The following DYRK4 variants were observed in gnomAD, a reference collection of about 807,000 sequenced individuals.
DYRK4 encodes the protein dual specificity tyrosine-phosphorylation-regulated kinase 4.
Under a neutral mutation model 68.3 loss-of-function variants are expected in DYRK4, and 64 were observed. The ratio of observed to expected loss-of-function variants is 0.94; its 90% CI spans 0.77 to 1.15. The LOEUF is 1.15. Among genes scored for constraint, DYRK4 ranks in the 50% most tolerant of loss-of-function variants. The probability of loss-of-function intolerance (pLI) is 0.00; values close to 1 mark genes in which losing one functional copy is unlikely to be tolerated. For synonymous variants in DYRK4, 274 were observed against 289.9 expected (o/e 0.95, Z 0.56); for missense variants, 740 against 764.7 (o/e 0.97, Z 0.38).
Position 4,612,716 on chromosome 12 carries a change from A to AAG in DYRK4, c.1665_1666dup (p.Asp556GlufsTer43). On this transcript the variant is annotated frameshift_variant and splice_region_variant, in exon 14 of 15. Coordinates refer to ENST00000543431, the MANE Select transcript of DYRK4 (RefSeq NM_001394779.1). LOFTEE classifies it low-confidence loss of function (END_TRUNC). Reference sequence around the variant, plus strand: ...CAAGGCTGTCATCACTCGAGCAGAAAAGGTACAGCCTGTCAAATAACCAGT... The same window carrying AAG: ...CAAGGCTGTCATCACTCGAGCAGAAAAGAGGTACAGCCTGTCAAATAACCAGT... 1 of 1,614,150 alleles carries AAG rather than the reference A, an allele frequency of 6.2e-7. No individual in the cohort carries two copies. Among genetic ancestry groups the AAG allele is most frequent in the Non-Finnish European group, 8.5e-7 (1 of 1,179,998 alleles).
intron 6 of DYRK4, among the ~76,000 whole-genome samples, chr12:4,593,636 T>A (rs927405266): frequency 2.6e-5 from 4 of 152,194 alleles, no homozygotes; most frequent in Admixed American, 2.6e-4. Context: ...TTTCATTCTG[T>A]TTTTTAAAAA....
At chr12:4,606,293 G>T (rs12231656) in intron 11 of DYRK4, among the ~76,000 whole-genome samples, 126 of 151,142 alleles carry the variant, frequency 8.3e-4, no homozygotes, top group African/African-American at 2.8e-3. Flanking sequence ...TGGCTGGCTG[G>T]CTATCTATCT....
chr12:4,581,437 T>C (rs1448521388), intron 2 of DYRK4, among the ~76,000 whole-genome samples: 2 of 152,222 alleles, frequency 1.3e-5, no homozygotes, highest in African/African-American at 4.8e-5. Context: ...AAGCGCTTCC[T>C]TTTCCAGGCA....
chr12:4,569,028 T>C (rs1442871209), intron 2 of DYRK4, among the ~76,000 whole-genome samples: 1 of 152,164 alleles, frequency 6.6e-6, no homozygotes. Context: ...GCAAAAATCG[T>C]CCTCCTATAA....
intron 12 of DYRK4, among the ~76,000 whole-genome samples, chr12:4,607,798 T>C (rs369033477): frequency 5.6e-4 from 85 of 152,322 alleles, no homozygotes; most frequent in African/African-American, 1.8e-3. Flanking sequence ...AAAATTCCAT[T>C]GCTGCATTAT....
intron 1 of DYRK4, among the ~76,000 whole-genome samples, chr12:4,562,615 C>T (rs947177161): frequency 6.6e-6 from 1 of 152,238 alleles, no homozygotes; most frequent in Non-Finnish European, 1.5e-5. Context: ...GTGCTTCCAG[C>T]CCTCACTGGG....
intron 1 of DYRK4, 24 bp from the exon 2 acceptor site, chr12:4,567,931 T>C (rs2137318285): frequency 6.5e-7 from 1 of 1,530,970 alleles, no homozygotes; most frequent in Non-Finnish European, 8.8e-7. Flanking sequence ...CCTGCCAATT[T>C]ATTTTTTACT....
Position 4,591,084 on chromosome 12 carries a change from T to A in DYRK4, c.325-76T>A. 6.5e-7 allele frequency: 1 copy of A among 1,537,724 alleles called. No homozygotes were observed. Among genetic ancestry groups the A allele is most frequent in the South Asian group, 1.3e-5 (1 of 79,106 alleles). On this transcript the variant is annotated intron_variant, in intron 4 of 14. Transcript: ENST00000543431. The surrounding 1 kb of genome is among the most constrained non-coding windows in gnomAD (Gnocchi z 4.1). ...AGAGCCTGGCTGAAGGTGGGTGTCTTTGGTTAAATAAATGGTTTATGGCCC... is the reference window on the plus strand; with the variant it reads ...AGAGCCTGGCTGAAGGTGGGTGTCTATGGTTAAATAAATGGTTTATGGCCC...
chr12:4,596,535 A>G (rs1264391088), intron 7 of DYRK4, 54 bp from the exon 8 acceptor site: 1 of 1,593,230 alleles, frequency 6.3e-7, no homozygotes, highest in African/African-American at 1.4e-5. Flanking sequence ...GGGACCTGAC[A>G]CTGATGTTTC....
intron 14 of DYRK4, chr12:4,612,948 C>T: frequency 2.2e-6 from 1 of 456,682 alleles, no homozygotes; most frequent in South Asian, 2.8e-5. Flanking sequence ...TCATGACTAG[C>T]CTGCCATTTC....
intron 12 of DYRK4, among the ~76,000 whole-genome samples, chr12:4,608,858 G>A (rs576740476): frequency 2.0e-5 from 3 of 152,300 alleles, no homozygotes; most frequent in South Asian, 2.1e-4. Context: ...CACATTAACC[G>A]AGCAATCTGG....
chr12:4,605,728 G>GTTTTTTTTTTTTTTTTT (rs780888385), intron 11 of DYRK4, among the ~76,000 whole-genome samples: 1 of 68,936 alleles, frequency 1.5e-5, no homozygotes, highest in Non-Finnish European at 2.5e-5. Context: ...AATAGAGCTG[G>GTTTTTTTTTTTTTTTTT]GTTTTTTTTT....
intron 12 of DYRK4, among the ~76,000 whole-genome samples, chr12:4,608,491 C>T (rs1013585248): frequency 5.9e-5 from 9 of 152,166 alleles, no homozygotes; most frequent in Non-Finnish European, 8.8e-5. Flanking sequence ...GGGTTTGGGT[C>T]ATGCTGGTCA....
At chr12:4,576,772 T>C (rs970235724) in intron 2 of DYRK4, among the ~76,000 whole-genome samples, 2 of 152,260 alleles carry the variant, frequency 1.3e-5, no homozygotes, top group African/African-American at 4.8e-5. Context: ...ATATTGAGCA[T>C]CTTTTCATAT....
intron 11 of DYRK4, among the ~76,000 whole-genome samples, chr12:4,606,599 G>A (rs776133972): frequency 6.6e-6 from 1 of 152,200 alleles, no homozygotes; most frequent in Non-Finnish European, 1.5e-5. Context: ...GAGCAGAGAA[G>A]ATGGCTTCTA....
chr12:4,562,578 G>T (rs1944638422), intron 1 of DYRK4, among the ~76,000 whole-genome samples: 1 of 152,232 alleles, frequency 6.6e-6, no homozygotes, highest in Non-Finnish European at 1.5e-5. Context: ...GGGGTTCTGA[G>T]GAACTCAGCA....
In DYRK4 at chr12:4,596,733, A is replaced by G; in HGVS notation, c.905+4A>G. Reference sequence around the variant, plus strand: ...GCATCACCTTTGAGCTCCTGGGGTCAGCTGCCTTTTCTTCTTAACTCATTT... The same window carrying G: ...GCATCACCTTTGAGCTCCTGGGGTCGGCTGCCTTTTCTTCTTAACTCATTT... On this transcript the variant is annotated splice_donor_region_variant and intron_variant, in intron 8 of 14. Coordinates refer to ENST00000543431, the MANE Select transcript of DYRK4 (RefSeq NM_001394779.1). 1.2e-6 allele frequency: 2 copies of G among 1,613,362 alleles called. No homozygotes were observed. Among genetic ancestry groups the G allele is most frequent in the Non-Finnish European group, 1.7e-6 (2 of 1,179,900 alleles).
At chr12:4,574,964 C>T (rs992410437) in intron 2 of DYRK4, among the ~76,000 whole-genome samples, 1 of 152,328 alleles carries the variant, frequency 6.6e-6, no homozygotes. Context: ...GAGTGATCCA[C>T]CAGCCTCGGC....
intron 2 of DYRK4, among the ~76,000 whole-genome samples, chr12:4,583,243 C>G (rs1411423574): frequency 6.6e-6 from 1 of 152,072 alleles, no homozygotes; most frequent in Non-Finnish European, 1.5e-5. Flanking sequence ...TCAGCTTCTA[C>G]CCCTGCCTTT....
Sources: gnomAD v4.1 joint callset for allele counts (sites outside exome capture counted in the v4.1 genomes callset) on GRCh38, gnomAD v4.1.1 for gene constraint, Gnocchi (gnomAD v3.1) non-coding constraint, MANE v1.5 for transcripts, NCBI Gene and HGNC (gene_info 2026-07-23, HGNC 2026-07-21) for gene names.